GALNT5: variants seen among roughly 807,000 people sequenced by gnomAD.
GALNT5 encodes the protein UDP-GalNAc:polypeptide N-acetylgalactosaminyltransferase 5.
In GALNT5, 72 loss-of-function variants were observed where a neutral mutation model predicts 85.4. That is an observed-to-expected ratio of 0.84 (90% confidence interval 0.70 to 1.03). GALNT5 has a LOEUF of 1.03. Among genes scored for constraint, GALNT5 ranks in the 50% least tolerant of loss-of-function variants. GALNT5 has a pLI of 0.00. For synonymous variants in GALNT5, 404 were observed against 397.0 expected, an observed-to-expected ratio of 1.02 and a Z score of -0.21; for missense variants, 1,137 against 1,135.5, an observed-to-expected ratio of 1.00 and a Z score of -0.02.
In GALNT5 at chr2:157,258,063, G is replaced by T. The variant is rs1183207382; in HGVS notation, c.-20G>T. On this transcript the variant is annotated 5_prime_UTR_variant, in exon 1 of 10. Coordinates refer to ENST00000259056, the MANE Select transcript of GALNT5 (RefSeq NM_014568.3). ...TAAGCAGGCTAAGGGAGGGCAGGCT[G>T]CTAGGGAAAGCTTTGTACCATGAAC... 17 of 1,610,692 alleles carry T rather than the reference G, an allele frequency of 1.1e-5. No homozygotes were observed. Among genetic ancestry groups the T allele is most frequent in the Non-Finnish European group, 1.4e-5 (16 of 1,179,864 alleles).
chr2:157,288,248 C>T (rs1294820780), intron 3 of GALNT5, among the ~76,000 whole-genome samples: 1 of 152,196 alleles, frequency 6.6e-6, no homozygotes, highest in Admixed American at 6.5e-5. Flanking sequence ...AATGTCTTCT[C>T]TTTGTAGAGG....
chr2:157,288,159 T>C (rs1052898321), intron 3 of GALNT5, among the ~76,000 whole-genome samples: 2 of 152,328 alleles, frequency 1.3e-5, no homozygotes, highest in South Asian at 4.1e-4. Flanking sequence ...GATGGGAAGT[T>C]TTCTGCTTAC....
intron 1 of GALNT5, among the ~76,000 whole-genome samples, chr2:157,270,220 C>T (rs778180553): frequency 2.0e-5 from 3 of 152,178 alleles, no homozygotes; most frequent in Non-Finnish European, 4.4e-5. Context: ...ACCTCATGTG[C>T]TCTGATATCC....
chr2:157,290,112 T>TATATATATATATATACACATACACACAC (rs1416458086), intron 3 of GALNT5, among the ~76,000 whole-genome samples: 6 of 138,250 alleles, frequency 4.3e-5, no homozygotes, highest in African/African-American at 1.8e-4. Context: ...TATATATATA[T>TATATATATATATATACACATACACACAC]ACATACACAA....
chr2:157,295,571 T>C, intron 3 of GALNT5, 92 bp from the exon 4 acceptor site: 1 of 978,480 alleles, frequency 1.0e-6, no homozygotes, highest in Admixed American at 2.5e-5. Flanking sequence ...ATAGCCACAT[T>C]TCTGGAGCAA....
Position 157,309,052 on chromosome 2 carries a change from A to G in GALNT5, c.2682+324A>G, listed in dbSNP as rs193056576. Among the ~76,000 whole-genome samples, 4 of 152,324 alleles carry G rather than the reference A, an allele frequency of 2.6e-5. No homozygotes were observed. The East Asian group carries it at 7.7e-4, about 29-fold the overall frequency. On this transcript the variant is annotated intron_variant, in intron 9 of 9. Transcript: ENST00000259056. Reference sequence around the variant, plus strand: ...AGGCTAGAACTGGTCCCCACTGGTCATCAGTAATGCTTATAAGGAGAGGAT... The same window carrying G: ...AGGCTAGAACTGGTCCCCACTGGTCGTCAGTAATGCTTATAAGGAGAGGAT...
rs150999331 is a variant in GALNT5 at position 157,258,247 on chromosome 2, A to C, written c.165A>C (p.Ile55=). The C allele has an allele frequency of 3.7e-4, 594 of 1,612,152 alleles. 1 individual carries two copies. The African/African-American group carries it at 6.9e-3, about 19-fold the overall frequency. The part of the protein sequence containing the change: ...IKEDIVRRER[I]GFRVQPDQGK... Reference sequence around the variant, plus strand: ...AAGACATTGTGAGGAGGGAGCGGATAGGATTCAGAGTTCAGCCAGACCAAG... The same window carrying C: ...AAGACATTGTGAGGAGGGAGCGGATCGGATTCAGAGTTCAGCCAGACCAAG... The change falls in exon 1 of 10, where the codon ATA becomes ATC. Residue 55 remains isoleucine, a synonymous_variant. Transcript: ENST00000259056.
Position 157,316,390 on chromosome 2 carries a change from G to T in GALNT5, c.*5042G>T, listed in dbSNP as rs147559650. 6.6e-6 allele frequency among the ~76,000 whole-genome samples: 1 copy of T among 150,472 alleles called. No individual in the cohort carries two copies. Among genetic ancestry groups the T allele is most frequent in the Non-Finnish European group, 1.5e-5 (1 of 67,824 alleles). ...TAATGGCCTAAAATAAATTTTTAAT[G>T]ACTCCTGTATTAATATTACCAACCC... On this transcript the variant is annotated 3_prime_UTR_variant, in exon 10 of 10. Transcript: ENST00000259056.
intron 1 of GALNT5, among the ~76,000 whole-genome samples, chr2:157,274,774 G>T (rs1682683011): frequency 6.6e-6 from 1 of 152,104 alleles, no homozygotes; most frequent in Non-Finnish European, 1.5e-5. Flanking sequence ...CTCCCATTCT[G>T]TAGGCTGCCT....
chr2:157,305,882 ACATT>A, intron 8 of GALNT5, 53 bp downstream of exon 8: 1 of 924,866 alleles, frequency 1.1e-6, no homozygotes, highest in South Asian at 1.4e-5. Flanking sequence ...AGGGTATGAC[ACATT>A]CATTGCTCAA....
At position 157,308,673 on chromosome 2, in the gene GALNT5, G is replaced by A; in HGVS notation, c.2627G>A (p.Arg876Lys). Residue 876 changes from arginine to lysine, a missense_variant, in exon 9 of 10, where the codon AGA becomes AAA. Coordinates refer to ENST00000259056, the MANE Select transcript of GALNT5 (RefSeq NM_014568.3). ...GAVRLHPCDN[R>K]NKGLKWLHKS... ...GTAAGGCTGCACCCTTGTGATAACA[G>A]AAACAAAGGGCTAAAATGGCTGCAT... The A allele has an allele frequency of 6.2e-7, 1 of 1,613,806 alleles. No homozygotes were observed. Among genetic ancestry groups the A allele is most frequent in the Non-Finnish European group, 8.5e-7 (1 of 1,179,790 alleles).
At chr2:157,294,531 G>C (rs1269959860) in intron 3 of GALNT5, among the ~76,000 whole-genome samples, 1 of 152,140 alleles carries the variant, frequency 6.6e-6, no homozygotes, top group Admixed American at 6.5e-5. Flanking sequence ...CCTGAGTTAG[G>C]AATGCAGACA....
rs934954604 is a variant in GALNT5, at chr2:157,312,110, G to T, written c.*762G>T. Reference sequence around the variant, plus strand: ...ACCAATAACTTCCTAGATTCATGTGGATTTTTTTTAAGGCAATGAAAAAAG... The same window carrying T: ...ACCAATAACTTCCTAGATTCATGTGTATTTTTTTTAAGGCAATGAAAAAAG... On this transcript the variant is annotated 3_prime_UTR_variant, in exon 10 of 10. Coordinates refer to ENST00000259056, the MANE Select transcript of GALNT5 (RefSeq NM_014568.3). The T allele has an allele frequency of 2.6e-5, 4 of 151,620 alleles. No homozygotes were observed. Among genetic ancestry groups the T allele is most frequent in the Non-Finnish European group, 4.4e-5 (3 of 67,928 alleles). The allele number at this position is 151,620 out of a possible 1,614,324, so 9.4% of individuals were successfully genotyped here.
chr2:157,278,711 C>T (rs558298664), intron 1 of GALNT5, among the ~76,000 whole-genome samples: 18 of 152,236 alleles, frequency 1.2e-4, no homozygotes, highest in African/African-American at 3.9e-4. Flanking sequence ...GTTAGCCATT[C>T]GTCTAGTGTT....
chr2:157,274,433 T>G (rs1355748030), intron 1 of GALNT5, among the ~76,000 whole-genome samples: 2 of 152,238 alleles, frequency 1.3e-5, no homozygotes, highest in Non-Finnish European at 2.9e-5. Context: ...TGAACTAGTT[T>G]ACAGTCCCAC....
rs1228796278 is a variant in GALNT5 at position 157,317,079 on chromosome 2, A to G, written c.*5731A>G. On this transcript the variant is annotated 3_prime_UTR_variant, in exon 10 of 10. Transcript: ENST00000259056. ...AGCATCTATATAATAAACCCTTTAT[A>G]TTAGATGTTAAATTAAAATTTTTCA... Among the ~76,000 whole-genome samples, 2 of 151,288 alleles carry G rather than the reference A, an allele frequency of 1.3e-5. No homozygotes were observed. The highest frequency in any genetic ancestry group is 2.4e-5 in the African/African-American group (1 of 41,314).
At chr2:157,295,353 T>A (rs548465006) in intron 3 of GALNT5, among the ~76,000 whole-genome samples, 3 of 152,150 alleles carry the variant, frequency 2.0e-5, no homozygotes, top group Non-Finnish European at 4.4e-5. Flanking sequence ...ATGGGCACAC[T>A]CTCTCAGAGG....
chr2:157,284,463 C>G lies in GALNT5; in HGVS notation c.1621+15C>G, dbSNP rs764503542. 1 of 1,607,606 alleles carries G rather than the reference C, an allele frequency of 6.2e-7. No individual in the cohort carries two copies. The highest frequency in any genetic ancestry group is 1.1e-5 in the South Asian group (1 of 90,526). On this transcript the variant is annotated intron_variant, in intron 2 of 9. Transcript: ENST00000259056. ...CAGCACCAAAGGTAAGAAAACCACT[C>G]AGGCTATCTCTTGAAATTTCAAAGT...
At chr2:157,288,891 C>T (rs752453346) in intron 3 of GALNT5, among the ~76,000 whole-genome samples, 20 of 151,996 alleles carry the variant, frequency 1.3e-4, no homozygotes, top group Admixed American at 5.2e-4. Context: ...GCACATGGAA[C>T]GTATAGGACT....
Sources: allele counts gnomAD v4.1 joint callset (sites outside exome capture counted in the v4.1 genomes callset), GRCh38; gene constraint gnomAD v4.1.1; transcripts MANE v1.5; gene names NCBI Gene and HGNC (gene_info 2026-07-23, HGNC 2026-07-21).